Variants in BANK1 observed in about 807,000 individuals in gnomAD.
BANK1 encodes B-cell scaffold protein with ankyrin repeats.
A neutral mutation model predicts 94.5 loss-of-function variants in BANK1; 95 were observed. The ratio of observed to expected loss-of-function variants is 1.00; its 90% CI spans 0.85 to 1.19. The LOEUF (loss-of-function observed/expected upper bound fraction) is 1.19. Among genes scored for constraint, BANK1 ranks in the 50% most tolerant of loss-of-function variants. The pLI is 0.00. For synonymous variants in BANK1, 334 were observed against 308.4 expected (o/e 1.08, Z -0.87); for missense variants, 987 against 932.2 (o/e 1.06, Z -0.77).
chr4:101,971,553 G>T (rs1724953363), intron 7 of BANK1, among the ~76,000 whole-genome samples: 1 of 151,940 alleles, frequency 6.6e-6, no homozygotes, highest in African/African-American at 2.4e-5. Context: ...GTGTTTTGGG[G>T]GTCAAATCCA....
intron 1 of BANK1, among the ~76,000 whole-genome samples, chr4:101,827,082 G>T (rs536482165): frequency 3.3e-5 from 5 of 151,756 alleles, no homozygotes; most frequent in South Asian, 2.1e-4. Context: ...CTTTAAAAAT[G>T]ATTATGTTTT....
intron 7 of BANK1, among the ~76,000 whole-genome samples, chr4:101,945,796 G>A (rs2148912093): frequency 6.6e-6 from 1 of 151,974 alleles, no homozygotes; most frequent in African/African-American, 2.4e-5. Flanking sequence ...GAAGCCTATT[G>A]AAATGTATTT....
chr4:101,970,606 G>A (rs74416160), intron 7 of BANK1, among the ~76,000 whole-genome samples: 4,025 of 152,134 alleles, frequency 0.026, 69 homozygotes, highest in Non-Finnish European at 0.037. Context: ...TAGGAAAGTC[G>A]TGTTAGCCTG....
At chr4:101,917,265 A>G (rs1265564401) in intron 6 of BANK1, among the ~76,000 whole-genome samples, 1 of 152,010 alleles carries the variant, frequency 6.6e-6, no homozygotes, top group Non-Finnish European at 1.5e-5. Context: ...GCTAAGTGCA[A>G]AAGTATAGAA....
intron 5 of BANK1, among the ~76,000 whole-genome samples, chr4:101,887,456 G>T (rs1471143424): frequency 6.6e-6 from 1 of 152,018 alleles, no homozygotes; most frequent in African/African-American, 2.4e-5. Context: ...ATGAGTTTTT[G>T]TATCTAAGAG....
In BANK1 at chr4:101,993,061, C is replaced by T. The variant is rs903819683; in HGVS notation, c.1207-28453C>T. Among the ~76,000 whole-genome samples, 7 of 152,156 alleles carry T rather than the reference C, an allele frequency of 4.6e-5. No individual in the cohort carries two copies. The South Asian group carries it at 8.3e-4, about 18-fold the overall frequency. ...GACAGCTAATCCAGACCACTCTTAA[C>T]GGCACAGTTGGCTCTCATGGAGACC... On this transcript the variant is annotated intron_variant, in intron 7 of 16. Transcript: ENST00000322953.
chr4:101,897,055 A>G (rs1011147630), intron 6 of BANK1, among the ~76,000 whole-genome samples: 12 of 151,984 alleles, frequency 7.9e-5, no homozygotes, highest in African/African-American at 2.9e-4. Flanking sequence ...CAAAAGTCTT[A>G]ATTAGGAACT....
chr4:101,966,020 A>G (rs1026985592), intron 7 of BANK1, among the ~76,000 whole-genome samples: 4 of 152,104 alleles, frequency 2.6e-5, no homozygotes, highest in African/African-American at 9.7e-5. Flanking sequence ...CCATGAGAAC[A>G]TTTGTTTTAT....
chr4:101,846,992 C>T (rs549058916), intron 2 of BANK1, among the ~76,000 whole-genome samples: 1 of 152,168 alleles, frequency 6.6e-6, no homozygotes, highest in South Asian at 2.1e-4. Flanking sequence ...TTTTCCTCAC[C>T]CTCCCTGTCA....
Position 102,033,193 on chromosome 4 carries a change from G to A in BANK1, c.1900+2928G>A, listed in dbSNP as rs75662865. Among the ~76,000 whole-genome samples the A allele has an allele frequency of 8.5e-3, 1,291 of 152,070 alleles. 20 individuals are homozygous for A. The highest frequency in any genetic ancestry group is 0.029 in the African/African-American group (1,208 of 41,444). On this transcript the variant is annotated intron_variant, in intron 10 of 16. Transcript: ENST00000322953. ...ATTTAACTTGTTCTCCCTGTTTTCC[G>A]TCTCGTATGTAATTCCTGCCACCCA...
At chr4:102,046,845 ATTCAATG>A in intron 11 of BANK1, among the ~76,000 whole-genome samples, 1 of 152,286 alleles carries the variant, frequency 6.6e-6, no homozygotes. Flanking sequence ...ATAAGGCCTT[ATTCAATG>A]TTCAAAAATG....
intron 6 of BANK1, among the ~76,000 whole-genome samples, chr4:101,904,465 A>G (rs1448244432): frequency 6.6e-6 from 1 of 152,198 alleles, no homozygotes; most frequent in Non-Finnish European, 1.5e-5. Context: ...AAATTTGCTT[A>G]TCTGTTAACC....
At chr4:101,878,008 C>A (rs541932494) in intron 5 of BANK1, among the ~76,000 whole-genome samples, 150 of 152,018 alleles carry the variant, frequency 9.9e-4, no homozygotes, top group African/African-American at 3.4e-3. Context: ...AAATTACTTT[C>A]ACTAAAAGGA....
chr4:101,938,389 C>T (rs1242831807), intron 7 of BANK1, among the ~76,000 whole-genome samples: 2 of 151,014 alleles, frequency 1.3e-5, no homozygotes, highest in African/African-American at 2.4e-5. Context: ...TATTTTGTAG[C>T]ACAACAGGGT....
At chr4:101,834,025 G>T (rs1042788638) in intron 2 of BANK1, among the ~76,000 whole-genome samples, 1 of 151,988 alleles carries the variant, frequency 6.6e-6, no homozygotes, top group East Asian at 1.9e-4. Context: ...ATTTTAGATG[G>T]CTCTCCACAC....
chr4:101,986,463 A>G (rs1725484525), intron 7 of BANK1, among the ~76,000 whole-genome samples: 2 of 152,040 alleles, frequency 1.3e-5, no homozygotes, highest in South Asian at 2.1e-4. Context: ...ATAGGATTCA[A>G]ATTACATGGA....
intron 1 of BANK1, among the ~76,000 whole-genome samples, chr4:101,806,980 A>G (rs574553487): frequency 6.6e-6 from 1 of 152,328 alleles, no homozygotes; most frequent in East Asian, 1.9e-4. Context: ...CTAAGTTCAC[A>G]AAAGTCTGAA....
intron 7 of BANK1, among the ~76,000 whole-genome samples, chr4:101,936,314 C>T (rs767417585): frequency 2.0e-5 from 3 of 149,906 alleles, no homozygotes; most frequent in Non-Finnish European, 3.0e-5. Flanking sequence ...TGCATATGTA[C>T]ACATATGTAT....
chr4:102,072,873 G>GACA (rs143785415), intron 15 of BANK1, among the ~76,000 whole-genome samples: 23 of 152,184 alleles, frequency 1.5e-4, no homozygotes, highest in Non-Finnish European at 2.8e-4. Flanking sequence ...ACTAAGCAAA[G>GACA]ACAACAGCAA....
Sources: allele counts gnomAD v4.1 joint callset (sites outside exome capture counted in the v4.1 genomes callset), GRCh38; gene constraint gnomAD v4.1.1; transcripts MANE v1.5; gene names NCBI Gene and HGNC (gene_info 2026-07-23, HGNC 2026-07-21).